The following PCDH7 variants were observed in gnomAD, a reference collection of about 807,000 sequenced individuals.
PCDH7 encodes protocadherin 7, also known as protocadherin-7.
In PCDH7, 17 loss-of-function variants were observed where a neutral mutation model predicts 58.9. The ratio of observed to expected loss-of-function variants is 0.29; its 90% CI spans 0.20 to 0.43. The LOEUF is 0.43. Among genes scored for constraint, PCDH7 ranks in the 20% least tolerant of loss-of-function variants. The pLI is 1.00. For missense variants in PCDH7, 1,274 were observed against 1,441.0 expected (o/e 0.88, Z 1.88); for synonymous variants, 664 against 616.4 (o/e 1.08, Z -1.14).
chr4:31,055,755 T>G (rs933863651), intron 3 of PCDH7, among the ~76,000 whole-genome samples: 37 of 151,920 alleles, frequency 2.4e-4, no homozygotes, highest in Admixed American at 1.0e-3. Flanking sequence ...TTTTGTATTT[T>G]TAGTAGAGGC....
At chr4:31,137,530 G>A (rs998103096) in intron 3 of PCDH7, among the ~76,000 whole-genome samples, 8 of 152,324 alleles carry the variant, frequency 5.3e-5, no homozygotes, top group Middle Eastern at 3.4e-3. Context: ...GTTGCAATGA[G>A]CCGAGATCGT....
chr4:30,860,378 G>A (rs1428687969), intron 1 of PCDH7, among the ~76,000 whole-genome samples: 3 of 151,866 alleles, frequency 2.0e-5, no homozygotes, highest in Non-Finnish European at 4.4e-5. Flanking sequence ...AGGAAGTAGA[G>A]CAGAGAGGAC....
chr4:30,941,335 G>C (rs377237852), intron 2 of PCDH7, among the ~76,000 whole-genome samples: 1 of 151,992 alleles, frequency 6.6e-6, no homozygotes, highest in South Asian at 2.1e-4. Context: ...TCTACTTTAC[G>C]AGGGAAATCA....
intron 3 of PCDH7, among the ~76,000 whole-genome samples, chr4:30,966,368 T>A (rs1256141361): frequency 1.3e-5 from 2 of 152,156 alleles, no homozygotes; most frequent in African/African-American, 2.4e-5. Context: ...CAAAAATATA[T>A]TCTTTTGATT....
intron 3 of PCDH7, among the ~76,000 whole-genome samples, chr4:30,976,501 A>G (rs1049834164): frequency 2.0e-5 from 3 of 149,608 alleles, no homozygotes; most frequent in Non-Finnish European, 4.4e-5. Context: ...CTGGGGTTCA[A>G]ATGATTCTCC....
At position 30,739,125 on chromosome 4, in the gene PCDH7, T is replaced by A. The variant is rs184877504; in HGVS notation, c.70+14529T>A. On this transcript the variant is annotated intron_variant, in intron 1 of 3. Transcript: ENST00000509759. Reference sequence around the variant, plus strand: ...GCAACCTGGAACTATATATATATATTTTATATATAAAAATATATATATTTT... The same window carrying A: ...GCAACCTGGAACTATATATATATATATTATATATAAAAATATATATATTTT... Among the ~76,000 whole-genome samples the A allele has an allele frequency of 9.2e-3, 1,354 of 146,762 alleles. 27 individuals carry two copies. Among genetic ancestry groups the A allele is most frequent in the African/African-American group, 0.032 (1,297 of 40,442 alleles).
intron 2 of PCDH7, among the ~76,000 whole-genome samples, chr4:30,941,802 T>A (rs1222869740): frequency 1.3e-5 from 2 of 151,946 alleles, no homozygotes; most frequent in Admixed American, 6.6e-5. Flanking sequence ...CAGTCCTTTG[T>A]AAATCCTAGA....
chr4:30,983,538 C>G (rs1345550576), intron 3 of PCDH7, among the ~76,000 whole-genome samples: 1 of 152,154 alleles, frequency 6.6e-6, no homozygotes, highest in African/African-American at 2.4e-5. Context: ...AGAAAAAGAG[C>G]ATACTTATAC....
intron 3 of PCDH7, among the ~76,000 whole-genome samples, chr4:31,081,935 G>A (rs1560630390): frequency 6.6e-6 from 1 of 152,050 alleles, no homozygotes; most frequent in African/African-American, 2.4e-5. Context: ...ACCAAGGCCA[G>A]CTAATTTTTG....
intron 2 of PCDH7, among the ~76,000 whole-genome samples, chr4:30,943,332 G>A (rs1451362265): frequency 2.6e-5 from 4 of 151,984 alleles, no homozygotes; most frequent in African/African-American, 7.3e-5. Context: ...TAACTGTCAC[G>A]TGAAAATACT....
intron 1 of PCDH7, among the ~76,000 whole-genome samples, chr4:30,753,287 T>G (rs1252581881): frequency 6.6e-6 from 1 of 152,200 alleles, no homozygotes; most frequent in Non-Finnish European, 1.5e-5. Context: ...AGAGATAACC[T>G]TTACTACTTT....
At chr4:30,955,575 T>C (rs1747773698) in intron 3 of PCDH7, among the ~76,000 whole-genome samples, 1 of 151,932 alleles carries the variant, frequency 6.6e-6, no homozygotes, top group Admixed American at 6.6e-5. Flanking sequence ...AGTCTCAGTC[T>C]CTGTCGCCCA....
intron 1 of PCDH7, among the ~76,000 whole-genome samples, chr4:30,812,163 A>G (rs1447486694): frequency 6.6e-6 from 1 of 152,200 alleles, no homozygotes; most frequent in Non-Finnish European, 1.5e-5. Flanking sequence ...ATTTAAATAA[A>G]CAAAACTGTT....
intron 1 of PCDH7, among the ~76,000 whole-genome samples, chr4:30,794,585 C>A (rs1044810409): frequency 6.6e-6 from 1 of 151,682 alleles, no homozygotes; most frequent in Non-Finnish European, 1.5e-5. Flanking sequence ...CATTGTTATG[C>A]AAAACCTTAT....
intron 1 of PCDH7, among the ~76,000 whole-genome samples, chr4:30,887,239 A>T (rs1367739207): frequency 6.6e-6 from 1 of 152,168 alleles, no homozygotes; most frequent in Non-Finnish European, 1.5e-5. Flanking sequence ...GATAGTAAGG[A>T]TATTTGATTT....
At chr4:30,811,809 A>T (rs1455322080) in intron 1 of PCDH7, among the ~76,000 whole-genome samples, 2 of 152,170 alleles carry the variant, frequency 1.3e-5, no homozygotes, top group African/African-American at 4.8e-5. Flanking sequence ...TGTGGTCCTG[A>T]CTGGGAGAAG....
At chr4:30,744,397 G>A (rs1484713534) in intron 1 of PCDH7, among the ~76,000 whole-genome samples, 2 of 152,148 alleles carry the variant, frequency 1.3e-5, no homozygotes, top group Non-Finnish European at 2.9e-5. Flanking sequence ...AATAAGGTGG[G>A]ACCATAAGTA....
At chr4:30,811,657 A>G (rs1311365742) in intron 1 of PCDH7, among the ~76,000 whole-genome samples, 1 of 152,218 alleles carries the variant, frequency 6.6e-6, no homozygotes, top group East Asian at 1.9e-4. Context: ...CAGAAGAGAA[A>G]CAAGGACCTT....
chr4:30,902,290 CTG>C (rs886519861), intron 1 of PCDH7, among the ~76,000 whole-genome samples: 8 of 152,054 alleles, frequency 5.3e-5, no homozygotes, highest in African/African-American at 1.4e-4. Context: ...CCCTGTATCT[CTG>C]TGTTTTTTTA....
Sources: allele counts gnomAD v4.1 joint callset (sites outside exome capture counted in the v4.1 genomes callset), GRCh38; gene constraint gnomAD v4.1.1; transcripts MANE v1.5; gene names NCBI Gene and HGNC (gene_info 2026-07-23, HGNC 2026-07-21).